The following COQ10B variants were observed in gnomAD, a reference collection of about 807,000 sequenced individuals.
The protein encoded by COQ10B is coenzyme Q10B.
COQ10B carries 12 observed loss-of-function variants against 27.6 expected under a neutral mutation model. The ratio of observed to expected loss-of-function variants is 0.43; its 90% CI spans 0.28 to 0.70. COQ10B has a LOEUF of 0.70. Ranked by LOEUF, COQ10B falls within the 30% of genes least tolerant of loss-of-function variation. The probability of loss-of-function intolerance (pLI) is 0.17; values close to 1 mark genes in which losing one functional copy is unlikely to be tolerated. For missense variants in COQ10B, 278 were observed against 288.7 expected (o/e 0.96, Z 0.27); for synonymous variants, 115 against 103.0 (o/e 1.12, Z -0.71).
At chr2:197,473,255 T>TA (rs1442671292) in intron 4 of COQ10B, among the ~76,000 whole-genome samples, 1 of 150,768 alleles carries the variant, frequency 6.6e-6, no homozygotes, top group Non-Finnish European at 1.5e-5. Flanking sequence ...AGATTTAGTT[T>TA]AAAAAAAATC....
rs954093647 is a variant in COQ10B, at chr2:197,454,188, C to T, written c.104+524C>T. The T allele has an allele frequency of 1.2e-5, 18 of 1,475,418 alleles. No homozygotes were observed. In the African/African-American group the frequency reaches 1.3e-4, roughly 10 times the overall value. 91.4% of individuals were successfully genotyped at this position (1,475,418 alleles called of 1,614,324 possible). On this transcript the variant is annotated intron_variant, in intron 1 of 4. Transcript: ENST00000263960. ...AGCATAAGGGACTTGGATTTTTTCA[C>T]TCTGCTGTAACTTACAGGTCCTGTA... is the stretch of plus-strand genomic sequence containing the variant.
Position 197,473,961 on chromosome 2 carries a change from T to G in COQ10B, c.*37T>G, listed in dbSNP as rs368273075. On this transcript the variant is annotated 3_prime_UTR_variant, in exon 5 of 5. Transcript: ENST00000263960. The stretch of plus-strand genomic sequence containing the variant: ...AACTGGTGCCACCTGCTTCTGACTT[T>G]AGTTTGTTCACTTTTAGGAAGTATT... The G allele has an allele frequency of 4.8e-5, 68 of 1,428,554 alleles. No individual in the cohort carries two copies. Among genetic ancestry groups the G allele is most frequent in the Non-Finnish European group, 6.1e-5 (66 of 1,075,850 alleles). 88.5% of individuals were successfully genotyped at this position (1,428,554 alleles called of 1,614,324 possible).
At position 197,473,773 on chromosome 2, in the gene COQ10B, G is replaced by T. The variant is rs745644906; in HGVS notation, c.566G>T (p.Arg189Leu). ...TTCCTACAGATTTCTTTTGAATTTC[G>T]ATCACTTCTACATTCCCAGCTTGCC... is the stretch of plus-strand genomic sequence containing the variant. ...TLDFSISFEF[R>L]SLLHSQLATL... Residue 189 changes from arginine to leucine, a missense_variant, in exon 5 of 5, where the codon CGA becomes CTA. This residue lies in a region of COQ10B where 83 missense variants were observed against 104.5 expected (regional missense o/e 0.79). Transcript: ENST00000263960. 6.7e-7 allele frequency: 1 copy of T among 1,484,288 alleles called. No homozygotes were observed. Among genetic ancestry groups the T allele is most frequent in the Non-Finnish European group, 9.0e-7 (1 of 1,112,044 alleles). The allele number at this position is 1,484,288 out of a possible 1,614,324, so 91.9% of individuals were successfully genotyped here.
chr2:197,454,253 T>A (rs2085671634), intron 1 of COQ10B: 1 of 1,007,788 alleles, frequency 9.9e-7, no homozygotes, highest in Non-Finnish European at 1.4e-6. Flanking sequence ...CCTGGTTGGT[T>A]CATTTTTTGG....
At chr2:197,455,263 T>G (rs1251540194) in intron 1 of COQ10B, among the ~76,000 whole-genome samples, 1 of 152,082 alleles carries the variant, frequency 6.6e-6, no homozygotes, top group African/African-American at 2.4e-5. Context: ...AGGTCTCATC[T>G]TTTTTCAAGT....
intron 4 of COQ10B, among the ~76,000 whole-genome samples, 173 bp from the exon 5 acceptor site, chr2:197,473,584 A>G (rs1293094150): frequency 6.8e-6 from 1 of 147,504 alleles, no homozygotes; most frequent in Non-Finnish European, 1.5e-5. Flanking sequence ...TACTTGGGAG[A>G]CAGAGGTGGG....
chr2:197,455,708 C>G (rs2106043794), intron 1 of COQ10B, among the ~76,000 whole-genome samples: 1 of 152,106 alleles, frequency 6.6e-6, no homozygotes, highest in South Asian at 2.1e-4. Flanking sequence ...ACCTGTAATC[C>G]CAACACTTTG....
intron 1 of COQ10B, among the ~76,000 whole-genome samples, chr2:197,458,682 CTTTT>C (rs138890869): frequency 2.1e-5 from 3 of 139,874 alleles, no homozygotes; most frequent in Admixed American, 7.2e-5. Flanking sequence ...TTTCTTTTCT[CTTTT>C]TTTTTTTTTT....
intron 1 of COQ10B, among the ~76,000 whole-genome samples, chr2:197,459,465 A>G (rs751161018): frequency 5.8e-4 from 88 of 152,146 alleles, no homozygotes; most frequent in Non-Finnish European, 2.8e-4. Context: ...CATGCTTGGC[A>G]TCAGTACTCA....
chr2:197,458,156 G>C (rs1045626066), intron 1 of COQ10B, among the ~76,000 whole-genome samples: 1 of 147,924 alleles, frequency 6.8e-6, no homozygotes, highest in South Asian at 2.1e-4. Flanking sequence ...AATCACTGTC[G>C]CCCAGGCTGG....
chr2:197,460,848 G>A (rs1184963088), intron 2 of COQ10B, among the ~76,000 whole-genome samples: 5 of 152,156 alleles, frequency 3.3e-5, no homozygotes, highest in East Asian at 1.9e-4. Context: ...TTAAATAAAC[G>A]GGTGTGGCCA....
At chr2:197,465,506 G>C (rs2085815371) in intron 3 of COQ10B, among the ~76,000 whole-genome samples, 1 of 151,700 alleles carries the variant, frequency 6.6e-6, no homozygotes, top group African/African-American at 2.4e-5. Context: ...TGGCCACGCT[G>C]GTCTTGAACT....
rs1314117745 is a variant in COQ10B, at chr2:197,474,740, A to G, written c.*816A>G. The G allele has an allele frequency of 1.3e-5, 2 of 152,310 alleles. No individual in the cohort carries two copies. Among genetic ancestry groups the G allele is most frequent in the African/African-American group, 4.8e-5 (2 of 41,432 alleles). 9.4% of individuals were successfully genotyped at this position (152,310 alleles called of 1,614,324 possible). On this transcript the variant is annotated 3_prime_UTR_variant, in exon 5 of 5. Transcript: ENST00000263960. Reference sequence around the variant, plus strand: ...GGTTCCCTGGGACTTTTGATATTTTAAAAATTGTTCTTATGACTAGTAGAT... The same window carrying G: ...GGTTCCCTGGGACTTTTGATATTTTGAAAATTGTTCTTATGACTAGTAGAT...
At chr2:197,464,861 C>T (rs1227685623) in intron 3 of COQ10B, among the ~76,000 whole-genome samples, 1 of 151,492 alleles carries the variant, frequency 6.6e-6, no homozygotes, top group Non-Finnish European at 1.5e-5. Flanking sequence ...CATTCAGTCC[C>T]TTAGAACTTA....
At chr2:197,454,125 G>A in intron 1 of COQ10B, 1 of 1,550,770 alleles carries the variant, frequency 6.4e-7, no homozygotes, top group Non-Finnish European at 8.7e-7. Flanking sequence ...AGAGTGCTTT[G>A]CCCTCGCCAT....
chr2:197,461,261 T>G (rs988133140), intron 2 of COQ10B, among the ~76,000 whole-genome samples: 1 of 152,096 alleles, frequency 6.6e-6, no homozygotes, highest in African/African-American at 2.4e-5. Flanking sequence ...AAGTAGTGAC[T>G]CAGAAACCCA....
Position 197,462,695 on chromosome 2 carries a change from A to G in COQ10B, c.411A>G (p.Thr137=). 2 of 1,588,216 alleles carry G rather than the reference A, an allele frequency of 1.3e-6. No homozygotes were observed. Among genetic ancestry groups the G allele is most frequent in the Non-Finnish European group, 1.7e-6 (2 of 1,171,122 alleles). ...TTCCACCTGTGTTGGAGCGATATAC[A>G]TCAGTAGTAACCTTGGTGAAACCTC... The part of the protein sequence containing the change: ...IGFPPVLERY[T]SVVTLVKPHL... Residue 137 remains threonine, a synonymous_variant, in exon 3 of 5, where the codon ACA becomes ACG. Coordinates refer to ENST00000263960, the MANE Select transcript of COQ10B (RefSeq NM_025147.5).
Position 197,474,761 on chromosome 2 carries a change from T to G in COQ10B, c.*837T>G, listed in dbSNP as rs1464020415. 6.6e-6 allele frequency: 1 copy of G among 151,708 alleles called. No homozygotes were observed. Among genetic ancestry groups the G allele is most frequent in the Non-Finnish European group, 1.5e-5 (1 of 67,954 alleles). The allele number at this position is 151,708 out of a possible 1,614,324, so 9.4% of individuals were successfully genotyped here. A position where few individuals can be genotyped will look rare whatever the true frequency, so the allele number is the denominator to read the frequency against. ...TTTTAAAAATTGTTCTTATGACTAG[T>G]AGATAAATTCATTGCCATAATGAGG... On this transcript the variant is annotated 3_prime_UTR_variant, in exon 5 of 5. Coordinates refer to ENST00000263960, the MANE Select transcript of COQ10B (RefSeq NM_025147.5).
At position 197,474,659 on chromosome 2, in the gene COQ10B, C is replaced by G. The variant is rs542187756; in HGVS notation, c.*735C>G. ...CAAGATCGCCCTGCTGCACTCCAGCCTGGGCAACAGAGGGAGACTCTGTCT... is the reference window on the plus strand; with the variant it reads ...CAAGATCGCCCTGCTGCACTCCAGCGTGGGCAACAGAGGGAGACTCTGTCT... On this transcript the variant is annotated 3_prime_UTR_variant, in exon 5 of 5. Transcript: ENST00000263960. 1 of 152,336 alleles carries G rather than the reference C, an allele frequency of 6.6e-6. No individual in the cohort carries two copies. The highest frequency in any genetic ancestry group is 2.4e-5 in the African/African-American group (1 of 41,422). The allele number at this position is 152,336 out of a possible 1,614,324, so 9.4% of individuals were successfully genotyped here.
Sources: allele counts gnomAD v4.1 joint callset (sites outside exome capture counted in the v4.1 genomes callset), GRCh38; gene constraint gnomAD v4.1.1; regional missense constraint gnomAD v4.1.1; transcripts MANE v1.5; gene names NCBI Gene and HGNC (gene_info 2026-07-23, HGNC 2026-07-21).